MALAT1: variants seen among roughly 807,000 people sequenced by gnomAD.
The protein encoded by MALAT1 is hepcarcin.
At chr11:65,502,135 ATC>A (rs1565053459) in exon 3 of MALAT1, 2 of 516,878 alleles carry the variant, frequency 3.9e-6, no homozygotes, top group East Asian at 1.1e-4. Context: ...TTGATACTGT[ATC>A]TGTTTTCCTT....
intron 3 of MALAT1, chr11:65,505,427 T>C (rs1390030485): frequency 3.9e-6 from 2 of 513,692 alleles, no homozygotes; most frequent in Non-Finnish European, 7.8e-6. Context: ...ATAGCAGCTC[T>C]TAATAATAAA....
chr11:65,498,964 C>G, intron 2 of MALAT1: 1 of 518,876 alleles, frequency 1.9e-6, no homozygotes, highest in Non-Finnish European at 3.8e-6. Context: ...GCCTCCCTCA[C>G]AAAGGCGGCG....
intron 1 of MALAT1, chr11:65,498,466 C>T (rs1224631757): frequency 1.9e-6 from 1 of 518,606 alleles, no homozygotes; most frequent in Non-Finnish European, 3.8e-6. Context: ...TTTCACGTTT[C>T]TAAGATTTCC....
At chr11:65,498,913 AG>A (rs762375823) in intron 2 of MALAT1, 5 of 518,722 alleles carry the variant, frequency 9.6e-6, no homozygotes, top group African/African-American at 3.8e-5. Flanking sequence ...AATCTAGAAA[AG>A]TAAAACTAGA....
chr11:65,498,424 G>C (rs1490494642), intron 1 of MALAT1: 6 of 518,486 alleles, frequency 1.2e-5, no homozygotes, highest in Non-Finnish European at 2.3e-5. Context: ...CAGCTCTGTG[G>C]TGTGGGATTG....
At chr11:65,498,466 C>G (rs1224631757) in intron 1 of MALAT1, 1 of 518,488 alleles carries the variant, frequency 1.9e-6, no homozygotes, top group South Asian at 1.4e-5. Flanking sequence ...TTTCACGTTT[C>G]TAAGATTTCC....
At chr11:65,503,676 C>G (rs773045338) in exon 3 of MALAT1, 3 of 515,682 alleles carry the variant, frequency 5.8e-6, no homozygotes, top group African/African-American at 5.8e-5. Context: ...TAGTGTTTGT[C>G]TGTAGTTCAG....
At chr11:65,498,628 T>TG (rs750878532) in intron 1 of MALAT1, 9 of 518,522 alleles carry the variant, frequency 1.7e-5, no homozygotes, top group Admixed American at 3.9e-5. Flanking sequence ...GGGGCTCAGT[T>TG]GCGTAATGGA....
At chr11:65,504,299 T>C (rs779295577) in intron 3 of MALAT1, 1 of 497,964 alleles carries the variant, frequency 2.0e-6, no homozygotes, top group South Asian at 1.5e-5. Flanking sequence ...TGGGGCTTAC[T>C]TGTTGTAGCT....
intron 3 of MALAT1, chr11:65,505,268 A>G (rs1301192280): frequency 5.8e-6 from 3 of 518,552 alleles, no homozygotes; most frequent in African/African-American, 1.9e-5. Context: ...ACAAAGCGCT[A>G]TTATCCTAAG....
At chr11:65,502,549 A>AT in exon 3 of MALAT1, 1 of 484,522 alleles carries the variant, frequency 2.1e-6, no homozygotes, top group Admixed American at 2.4e-5. Context: ...ATTGTAACTG[A>AT]TTAAGAATTG....
chr11:65,504,568 T>C (rs746754257), intron 3 of MALAT1: 1 of 518,990 alleles, frequency 1.9e-6, no homozygotes, highest in Non-Finnish European at 3.8e-6. Context: ...TGATTGAAGC[T>C]GAGTACATTT....
At chr11:65,499,326 T>C (rs774838204) in exon 3 of MALAT1, 1 of 503,906 alleles carries the variant, frequency 2.0e-6, no homozygotes. Flanking sequence ...AGCTTCTTCA[T>C]GGAGTAAAAA....
exon 3 of MALAT1, chr11:65,499,945 T>C (rs1854502624): frequency 2.3e-6 from 1 of 432,220 alleles, no homozygotes; most frequent in African/African-American, 2.1e-5. Flanking sequence ...GTATAGAAGA[T>C]AGAAAAATAT....
chr11:65,503,483 A>G (rs776997713), exon 3 of MALAT1: 1 of 518,122 alleles, frequency 1.9e-6, no homozygotes, highest in East Asian at 5.4e-5. Flanking sequence ...TTTGTTTAGC[A>G]TTGAATCTCT....
In MALAT1 at chr11:65,504,649, CTT is replaced by C. The variant is rs760696972; in HGVS notation, n.5168+747_5168+748del. 2.7e-5 allele frequency: 14 copies of C among 518,868 alleles called. 2 individuals carry two copies. In the Middle Eastern group the frequency reaches 3.8e-3, roughly 141 times the overall value. The allele number at this position is 518,868 out of a possible 1,614,324, so 32.1% of individuals were successfully genotyped here. On this transcript the variant is annotated intron_variant and non_coding_transcript_variant, in intron 3 of 3. Coordinates refer to ENST00000619449, the Ensembl canonical transcript of MALAT1. The stretch of plus-strand genomic sequence containing the variant: ...GTGGGAGGGGACTGAAGCCTTTAGT[CTT>C]TTCCAGATGCAACCTTAAAATCAGT...
chr11:65,506,066 T>C (rs749191060), intron 3 of MALAT1: 1 of 434,730 alleles, frequency 2.3e-6, no homozygotes, highest in Non-Finnish European at 4.4e-6. Context: ...TATTGTTTTC[T>C]CAGGTTTTGC....
chr11:65,503,117 A>G (rs1223773972), exon 3 of MALAT1: 1 of 508,882 alleles, frequency 2.0e-6, no homozygotes, highest in Non-Finnish European at 3.9e-6. Context: ...TTTGCCTCAG[A>G]CAGGTATCTC....
At chr11:65,500,858 C>G (rs762320795) in exon 3 of MALAT1, 2 of 518,712 alleles carry the variant, frequency 3.9e-6, no homozygotes, top group Non-Finnish European at 7.7e-6. Context: ...GAGTTTCGTA[C>G]TGAGGTGTAA....
Sources: allele counts gnomAD v4.1 joint callset, GRCh38; gene constraint gnomAD v4.1.1; transcripts MANE v1.5; gene names NCBI Gene and HGNC (gene_info 2026-07-23, HGNC 2026-07-21).